MTMR8: variants seen among roughly 807,000 people sequenced by gnomAD.
The protein encoded by MTMR8 is phosphatidylinositol-3,5-bisphosphate 3-phosphatase MTMR8.
Under a neutral mutation model 39.3 loss-of-function variants are expected in MTMR8, and 65 were observed. The observed-to-expected ratio is 1.65, with a 90% CI of 1.35 to 2.03. The LOEUF (loss-of-function observed/expected upper bound fraction) is 2.03, where lower values mean the gene tolerates loss of function less well. Among genes scored for constraint, MTMR8 ranks in the 30% most tolerant of loss-of-function variants. MTMR8 has a pLI of 0.00. For synonymous variants in MTMR8, 245 were observed against 185.2 expected (o/e 1.32, Z -2.62); for missense variants, 777 against 538.9 (o/e 1.44, Z -4.37).
At chrX:64,317,084 A>G (rs1411917191) in intron 12 of MTMR8, among the ~76,000 whole-genome samples, 1 of 102,986 alleles carries the variant, frequency 9.7e-6, no homozygotes, top group Non-Finnish European at 2.0e-5. Context: ...TGCACTCCAG[A>G]CTGGATGACA....
intron 1 of MTMR8, among the ~76,000 whole-genome samples, chrX:64,363,754 G>A (rs1923863432): frequency 9.0e-6 from 1 of 111,457 alleles, no homozygotes; most frequent in Admixed American, 9.5e-5. Flanking sequence ...GTGGGTGCAG[G>A]CCATGGAGGG....
Position 64,287,893 on chromosome X carries a change from G to C in MTMR8, c.1482-16820C>G, listed in dbSNP as rs1190853536. Among the ~76,000 whole-genome samples the C allele has an allele frequency of 5.8e-5, 6 of 103,872 alleles. No homozygotes were observed. In the East Asian group the frequency reaches 1.8e-3, roughly 31 times the overall value. 90.2% of individuals were successfully genotyped at this position (103,872 alleles called of 115,157 possible). A position where few individuals can be genotyped will look rare whatever the true frequency, so the allele number is the denominator to read the frequency against. On this transcript the variant is annotated intron_variant, in intron 12 of 13. Transcript: ENST00000374852. ...AGAAAACCTAGACAATACCTTTCAGGACATAGGCATGGGCAAGGACTTGAT... is the reference window on the plus strand; with the variant it reads ...AGAAAACCTAGACAATACCTTTCAGCACATAGGCATGGGCAAGGACTTGAT...
chrX:64,297,747 T>C (rs1921671450), intron 12 of MTMR8, among the ~76,000 whole-genome samples: 1 of 110,144 alleles, frequency 9.1e-6, no homozygotes, highest in Admixed American at 9.8e-5. Context: ...CCATCTTGAA[T>C]TGATTTTTGT....
At chrX:64,319,927 C>G (rs766956137) in intron 12 of MTMR8, among the ~76,000 whole-genome samples, 14 of 111,258 alleles carry the variant, frequency 1.3e-4, no homozygotes, top group Non-Finnish European at 2.4e-4. Context: ...GTAGTTTTTT[C>G]CAATTCTGTG....
At chrX:64,319,719 T>A (rs1467136961) in intron 12 of MTMR8, among the ~76,000 whole-genome samples, 9 of 111,330 alleles carry the variant, frequency 8.1e-5, no homozygotes, top group Non-Finnish European at 3.8e-5. Flanking sequence ...GTTGTAGATA[T>A]GTGGCATTAT....
intron 1 of MTMR8, among the ~76,000 whole-genome samples, chrX:64,389,452 T>A (rs1032060086): frequency 8.9e-6 from 1 of 112,343 alleles, no homozygotes; most frequent in Non-Finnish European, 1.9e-5. Flanking sequence ...TCCCAGTGGT[T>A]TCTAGGAGTA....
intron 12 of MTMR8, among the ~76,000 whole-genome samples, chrX:64,310,843 T>C (rs942786137): frequency 8.9e-6 from 1 of 112,072 alleles, no homozygotes. Context: ...TCCTTTATTA[T>C]GGCTGCATAG....
chrX:64,370,202 G>A (rs1924091509), intron 1 of MTMR8, among the ~76,000 whole-genome samples: 1 of 110,762 alleles, frequency 9.0e-6, no homozygotes, highest in African/African-American at 3.3e-5. Flanking sequence ...AAACTAAAAA[G>A]CCATCTTTCC....
chrX:64,382,460 T>C (rs1345033830), intron 1 of MTMR8, among the ~76,000 whole-genome samples: 5 of 112,023 alleles, frequency 4.5e-5, no homozygotes, highest in African/African-American at 1.6e-4. Context: ...TTTTGTATCC[T>C]GAGACTTTGC....
Position 64,354,804 on chromosome X carries a change from G to T in MTMR8, c.441C>A (p.Thr147=), listed in dbSNP as rs1923579833. ...GRMGIPNRNW[T]ITDANRNYEI... is the part of the protein sequence containing the mutation. ...CATAGTTTCTGTTGGCATCTGTTAT[G>T]GTCCAGTTTCTGTTGGGTATTCCCA... The change falls in exon 4 of 14, where the codon ACC becomes ACA. Residue 147 remains threonine (T), a synonymous_variant. Coordinates refer to ENST00000374852, the MANE Select transcript of MTMR8 (RefSeq NM_017677.4). 2 of 1,200,297 alleles carry T rather than the reference G, an allele frequency of 1.7e-6. No homozygotes were observed. Among genetic ancestry groups the T allele is most frequent in the African/African-American group, 3.5e-5 (2 of 56,754 alleles).
At chrX:64,383,294 T>C (rs910804307) in intron 1 of MTMR8, among the ~76,000 whole-genome samples, 2 of 109,868 alleles carry the variant, frequency 1.8e-5, no homozygotes, top group Non-Finnish European at 3.8e-5. Flanking sequence ...GGCATATAAA[T>C]ACAGATTAGA....
chrX:64,345,227 A>G, intron 6 of MTMR8, 50 bp from the exon 7 acceptor site: 1 of 1,152,908 alleles, frequency 8.7e-7, no homozygotes, highest in East Asian at 3.0e-5. Context: ...TGATGAAAGA[A>G]TGGAGTTCAT....
intron 11 of MTMR8, among the ~76,000 whole-genome samples, chrX:64,330,533 T>C (rs1196382014): frequency 1.8e-5 from 2 of 111,891 alleles, no homozygotes. Context: ...AAACAGCTAC[T>C]ATCCTATTTC....
chrX:64,273,044 C>T (rs1248586085), intron 12 of MTMR8, among the ~76,000 whole-genome samples: 1 of 111,201 alleles, frequency 9.0e-6, no homozygotes, highest in Non-Finnish European at 1.9e-5. Context: ...AAAGGGAAGT[C>T]TTCTCCTTAG....
intron 12 of MTMR8, among the ~76,000 whole-genome samples, chrX:64,291,749 C>A (rs1038365304): frequency 5.4e-5 from 6 of 111,668 alleles, no homozygotes; most frequent in African/African-American, 1.6e-4. Context: ...GGAACACGTT[C>A]GCATAACTTT....
intron 12 of MTMR8, among the ~76,000 whole-genome samples, chrX:64,327,422 GA>G (rs1259266737): frequency 9.0e-6 from 1 of 111,704 alleles, no homozygotes; most frequent in African/African-American, 3.2e-5. Context: ...ATAGGTATAT[GA>G]AAAAAATGCA....
chrX:64,313,169 G>A (rs1339774971), intron 12 of MTMR8, among the ~76,000 whole-genome samples: 1 of 112,356 alleles, frequency 8.9e-6, no homozygotes, highest in African/African-American at 3.2e-5. Context: ...CTAGGTAGCA[G>A]CTTCTTCCAA....
chrX:64,374,891 AGC>A (rs1924224604), intron 1 of MTMR8, among the ~76,000 whole-genome samples: 2 of 109,397 alleles, frequency 1.8e-5, no homozygotes. Context: ...CGATGGATAT[AGC>A]CACCAGGAAT....
intron 12 of MTMR8, among the ~76,000 whole-genome samples, chrX:64,304,887 T>TAC (rs1922035195): frequency 1.3e-5 from 1 of 78,634 alleles, no homozygotes; most frequent in Non-Finnish European, 2.5e-5. Context: ...TATATATATA[T>TAC]ATATATATAT....
Sources: gnomAD v4.1 joint callset for allele counts (sites outside exome capture counted in the v4.1 genomes callset) on GRCh38, gnomAD v4.1.1 for gene constraint, MANE v1.5 for transcripts, NCBI Gene and HGNC (gene_info 2026-07-23, HGNC 2026-07-21) for gene names.